DGKB: variants seen among roughly 807,000 people sequenced by gnomAD.
The protein encoded by DGKB is 90 kDa diacylglycerol kinase.
In DGKB, 67 loss-of-function variants were observed where a neutral mutation model predicts 114.3. The observed-to-expected ratio is 0.59, with a 90% CI of 0.48 to 0.72. The LOEUF (loss-of-function observed/expected upper bound fraction) is 0.72. Ranked by LOEUF, DGKB falls within the 30% of genes least tolerant of loss-of-function variation. The pLI is 0.00. For synonymous variants in DGKB, 398 were observed against 323.1 expected, an observed-to-expected ratio of 1.23 and a Z score of -2.49; for missense variants, 907 against 975.2, an observed-to-expected ratio of 0.93 and a Z score of 0.93.
intron 20 of DGKB, among the ~76,000 whole-genome samples, chr7:14,549,184 T>TCAAAAAA (rs745702705): frequency 6.6e-6 from 1 of 151,988 alleles, no homozygotes; most frequent in Non-Finnish European, 1.5e-5. Context: ...GAAAAACATT[T>TCAAAAAA]CAAAAAACAG....
At chr7:14,365,453 A>C (rs1288600305) in intron 21 of DGKB, among the ~76,000 whole-genome samples, 1 of 152,100 alleles carries the variant, frequency 6.6e-6, no homozygotes, top group Non-Finnish European at 1.5e-5. Context: ...GACAGCCCAG[A>C]ACCGACAGTA....
intron 2 of DGKB, among the ~76,000 whole-genome samples, chr7:14,806,933 T>C (rs2128066483): frequency 6.6e-6 from 1 of 152,012 alleles, no homozygotes; most frequent in East Asian, 1.9e-4. Flanking sequence ...GGACTTTCCC[T>C]GAAAAATTAA....
intron 23 of DGKB, among the ~76,000 whole-genome samples, chr7:14,178,531 A>G (rs1584275055): frequency 6.6e-6 from 1 of 152,326 alleles, no homozygotes. Context: ...ACACATTTCA[A>G]CACTATAAAT....
intron 5 of DGKB, among the ~76,000 whole-genome samples, chr7:14,721,035 T>C (rs73682503): frequency 1.8e-3 from 277 of 152,282 alleles, no homozygotes; most frequent in African/African-American, 6.0e-3. Context: ...ACCTAACTCA[T>C]CCTGCTGATG....
chr7:14,972,921 T>C (rs1374961837), intron 1 of DGKB, among the ~76,000 whole-genome samples: 1 of 152,074 alleles, frequency 6.6e-6, no homozygotes, highest in Non-Finnish European at 1.5e-5. Context: ...GGTGGGAGCT[T>C]GCAGAAAGTG....
chr7:14,651,094 C>G (rs202029947), intron 13 of DGKB, among the ~76,000 whole-genome samples: 21,336 of 152,062 alleles, frequency 0.14, 2,212 homozygotes, highest in East Asian at 0.49. Flanking sequence ...ACCATTCCTT[C>G]TGAAACTATT....
intron 2 of DGKB, among the ~76,000 whole-genome samples, chr7:14,761,334 T>C (rs1835666155): frequency 6.6e-6 from 1 of 152,184 alleles, no homozygotes; most frequent in Non-Finnish European, 1.5e-5. Context: ...ACATGAATTA[T>C]CTACATGTCT....
At chr7:14,974,310 A>T (rs576419224) in intron 1 of DGKB, among the ~76,000 whole-genome samples, 1 of 152,210 alleles carries the variant, frequency 6.6e-6, no homozygotes, top group East Asian at 1.9e-4. Flanking sequence ...AAGGGGGCAG[A>T]AAACACATGA....
chr7:14,316,866 A>G (rs896824100), intron 23 of DGKB, among the ~76,000 whole-genome samples: 2 of 136,810 alleles, frequency 1.5e-5, no homozygotes, highest in Non-Finnish European at 3.1e-5. Flanking sequence ...CTTGATGAAC[A>G]TTGATGCAAA....
intron 1 of DGKB, among the ~76,000 whole-genome samples, chr7:14,950,823 A>G (rs1207773222): frequency 2.0e-5 from 3 of 151,162 alleles, no homozygotes; most frequent in African/African-American, 7.3e-5. Flanking sequence ...TATTTTATGA[A>G]TATCAATACA....
chr7:14,868,783 G>A (rs1317085236), intron 1 of DGKB, among the ~76,000 whole-genome samples: 2 of 152,136 alleles, frequency 1.3e-5, no homozygotes, highest in Non-Finnish European at 1.5e-5. Context: ...GTGGGAAAAT[G>A]GTGACTACCT....
In DGKB at chr7:14,694,179, T is replaced by A; in HGVS notation, c.607A>T (p.Met203Leu). ...TCATGATCATAGTCAATTTCTTCCA[T>A]CATTTCATGGAGGATCTGGAGTAGA... ...TELNPILHEM[M>L]EEIDYDHDGT... The change falls in exon 9 of 26, where the codon ATG becomes TTG. Residue 203 changes from methionine (M) to leucine (L), a missense_variant. Met to Leu is a conservative substitution (Grantham distance 15). Around this residue, in one of 3 missense-constraint regions of DGKB, gnomAD observed 814 missense variants for 856.6 expected, o/e 0.95. Transcript: ENST00000402815. 1 of 1,573,926 alleles carries A rather than the reference T, an allele frequency of 6.4e-7. No homozygotes were observed. The highest frequency in any genetic ancestry group is 8.6e-7 in the Non-Finnish European group (1 of 1,158,008).
At chr7:14,365,974 G>A (rs1285888114) in intron 21 of DGKB, among the ~76,000 whole-genome samples, 2 of 152,042 alleles carry the variant, frequency 1.3e-5, no homozygotes, top group African/African-American at 4.8e-5. Flanking sequence ...ATATATATGT[G>A]CAGAAATATG....
intron 20 of DGKB, among the ~76,000 whole-genome samples, chr7:14,548,465 G>T (rs532248085): frequency 6.6e-6 from 1 of 152,298 alleles, no homozygotes; most frequent in Admixed American, 6.5e-5. Context: ...AAAATGGACA[G>T]GAGCTAGCCT....
chr7:14,537,490 C>T (rs1459321337), intron 20 of DGKB, among the ~76,000 whole-genome samples: 1 of 152,176 alleles, frequency 6.6e-6, no homozygotes, highest in East Asian at 1.9e-4. Flanking sequence ...CACAAATATA[C>T]AGTCAACTGA....
At chr7:14,741,504 G>T (rs765661858) in intron 4 of DGKB, among the ~76,000 whole-genome samples, 7 of 152,140 alleles carry the variant, frequency 4.6e-5, no homozygotes, top group Non-Finnish European at 8.8e-5. Context: ...TGCCTAGTAT[G>T]TTGTTTTTGT....
intron 22 of DGKB, among the ~76,000 whole-genome samples, chr7:14,342,793 A>T (rs1811825373): frequency 1.3e-5 from 2 of 151,870 alleles, no homozygotes; most frequent in African/African-American, 4.8e-5. Context: ...TTATTCCATG[A>T]TATTCATATC....
intron 23 of DGKB, among the ~76,000 whole-genome samples, chr7:14,262,326 G>A (rs1796899804): frequency 1.3e-5 from 2 of 152,154 alleles, no homozygotes; most frequent in Admixed American, 1.3e-4. Context: ...GCCTTTAGGA[G>A]GTAATTAGGT....
intron 20 of DGKB, among the ~76,000 whole-genome samples, chr7:14,533,411 C>T (rs976848922): frequency 2.0e-4 from 31 of 151,362 alleles, no homozygotes; most frequent in African/African-American, 6.8e-4. Flanking sequence ...GAGATACCAC[C>T]GTGTGAAACA....
Sources: gnomAD v4.1 joint callset for allele counts (sites outside exome capture counted in the v4.1 genomes callset) on GRCh38, gnomAD v4.1.1 for gene constraint, gnomAD v4.1.1 regional missense constraint, MANE v1.5 for transcripts, NCBI Gene and HGNC (gene_info 2026-07-23, HGNC 2026-07-21) for gene names.